Variants in ZNRF3 observed in about 807,000 individuals in gnomAD.
ZNRF3 encodes the protein zinc and ring finger 3.
In ZNRF3, 23 loss-of-function variants were observed where a neutral mutation model predicts 72.5. The ratio of observed to expected loss-of-function variants is 0.32; its 90% CI spans 0.23 to 0.45. The LOEUF is 0.45. Among genes scored for constraint, ZNRF3 ranks in the 20% least tolerant of loss-of-function variants. The pLI is 1.00. For missense variants in ZNRF3, 1,169 were observed against 1,272.1 expected, an observed-to-expected ratio of 0.92 and a Z score of 1.23; for synonymous variants, 610 against 545.3, an observed-to-expected ratio of 1.12 and a Z score of -1.65.
chr22:28,985,216 CCTAAGGACCTG>C (rs1378780573), intron 1 of ZNRF3, among the ~76,000 whole-genome samples: 1 of 152,164 alleles, frequency 6.6e-6, no homozygotes, highest in African/African-American at 2.4e-5. Context: ...CAATCTTCTG[CCTAAGGACCTG>C]TAATGCTGTC....
rs557767800 is a variant in ZNRF3 at position 28,914,070 on chromosome 22, T to A, written c.300+30004T>A. ...AACTCCTTCTGGTACTTTCCAGATG[T>A]ATTTGATCCCAGAACTCCTTTTTCT... On this transcript the variant is annotated intron_variant, in intron 1 of 8. Coordinates refer to ENST00000544604, the MANE Select transcript of ZNRF3 (RefSeq NM_001206998.2). Among the ~76,000 whole-genome samples the A allele has an allele frequency of 3.3e-5, 5 of 152,324 alleles. No individual in the cohort carries two copies. The East Asian group carries it at 9.6e-4, about 29-fold the overall frequency.
At chr22:28,987,873 A>G (rs914207526) in intron 2 of ZNRF3, among the ~76,000 whole-genome samples, 6 of 151,968 alleles carry the variant, frequency 3.9e-5, no homozygotes, top group Non-Finnish European at 2.9e-5. Context: ...AACTTACCTC[A>G]TAGGTGGTTA....
chr22:29,008,107 C>T (rs2036290799), intron 2 of ZNRF3, among the ~76,000 whole-genome samples: 1 of 152,088 alleles, frequency 6.6e-6, no homozygotes, highest in East Asian at 1.9e-4. Flanking sequence ...TTGTACCTCT[C>T]TCATTTGTAT....
At chr22:28,918,537 C>CATGTGTGT (rs1451651910) in intron 1 of ZNRF3, among the ~76,000 whole-genome samples, 3 of 148,744 alleles carry the variant, frequency 2.0e-5, no homozygotes, top group South Asian at 2.1e-4. Flanking sequence ...TGCATGTGTG[C>CATGTGTGT]GTGTGTGTGT....
intron 1 of ZNRF3, among the ~76,000 whole-genome samples, chr22:28,976,832 G>T (rs2123818328): frequency 6.6e-6 from 1 of 152,186 alleles, no homozygotes; most frequent in East Asian, 1.9e-4. Flanking sequence ...GGTTTCTATA[G>T]TCTACTGGAT....
At chr22:28,895,536 G>A (rs182567907) in intron 1 of ZNRF3, among the ~76,000 whole-genome samples, 2,268 of 152,144 alleles carry the variant, frequency 0.015, 66 homozygotes, top group African/African-American at 0.051. Flanking sequence ...GCGCAGTGGC[G>A]GGTGCCTGTA....
intron 1 of ZNRF3, among the ~76,000 whole-genome samples, chr22:28,915,569 C>T (rs1371713182): frequency 6.6e-6 from 1 of 152,202 alleles, no homozygotes; most frequent in Non-Finnish European, 1.5e-5. Flanking sequence ...TGAGAACCCC[C>T]AGTTCTTTCC....
At chr22:29,017,896 G>T (rs753479837) in intron 2 of ZNRF3, 188 of 461,772 alleles carry the variant, frequency 4.1e-4, no homozygotes, top group Non-Finnish European at 7.3e-4. Context: ...GAGAAAGGAG[G>T]CTTTTAGATG....
chr22:28,961,166 T>C (rs2123803244), intron 1 of ZNRF3, among the ~76,000 whole-genome samples: 1 of 152,286 alleles, frequency 6.6e-6, no homozygotes, highest in African/African-American at 2.4e-5. Context: ...AAGGGTCAAC[T>C]CTTCTTCAAG....
chr22:29,010,048 A>G (rs1440988306), intron 2 of ZNRF3, among the ~76,000 whole-genome samples: 3 of 151,750 alleles, frequency 2.0e-5, no homozygotes, highest in Non-Finnish European at 4.4e-5. Flanking sequence ...CTGGGACTAC[A>G]GGCATCTGCC....
intron 1 of ZNRF3, among the ~76,000 whole-genome samples, chr22:28,965,989 A>G (rs1182462163): frequency 6.6e-6 from 1 of 152,214 alleles, no homozygotes; most frequent in Admixed American, 6.5e-5. Flanking sequence ...CAACCCCTTG[A>G]TTTCTTGAAA....
chr22:28,940,546 C>T (rs531653098), intron 1 of ZNRF3, among the ~76,000 whole-genome samples: 4 of 147,696 alleles, frequency 2.7e-5, no homozygotes, highest in African/African-American at 1.0e-4. Context: ...CTTAAGAGAG[C>T]CAACGATTTA....
At chr22:28,975,237 C>T (rs1246244648) in intron 1 of ZNRF3, among the ~76,000 whole-genome samples, 1 of 152,072 alleles carries the variant, frequency 6.6e-6, no homozygotes, top group Admixed American at 6.6e-5. Context: ...GGCGCAGTGG[C>T]TCACGCCTGT....
intron 1 of ZNRF3, among the ~76,000 whole-genome samples, chr22:28,894,123 ATTT>A (rs771660791): frequency 7.0e-6 from 1 of 142,350 alleles, no homozygotes. Context: ...TGCCTGGCTA[ATTT>A]TTTTTTTTTT....
chr22:28,955,876 A>G lies in ZNRF3; in HGVS notation c.301-31200A>G, dbSNP rs574446191. ...CCGGGCTGCAGTGAGCCAGGTTCAC[A>G]TCACTGTACTCTGGCCTAGATGACA... On this transcript the variant is annotated intron_variant, in intron 1 of 8. Transcript: ENST00000544604. Among the ~76,000 whole-genome samples, 32 of 152,258 alleles carry G rather than the reference A, an allele frequency of 2.1e-4. 1 individual carries two copies. In the South Asian group the frequency reaches 6.2e-3, roughly 30 times the overall value.
chr22:29,026,305 C>A (rs1376750040), intron 2 of ZNRF3: 1 of 152,136 alleles, frequency 6.6e-6, no homozygotes, highest in African/African-American at 2.4e-5. Flanking sequence ...CTTCTCCACA[C>A]CCCCAGACCC....
intron 1 of ZNRF3, among the ~76,000 whole-genome samples, chr22:28,965,990 T>C (rs1377488214): frequency 2.0e-5 from 3 of 152,230 alleles, no homozygotes; most frequent in Non-Finnish European, 2.9e-5. Flanking sequence ...AACCCCTTGA[T>C]TTCTTGAAAC....
At chr22:28,938,997 A>G (rs2034891927) in intron 1 of ZNRF3, among the ~76,000 whole-genome samples, 1 of 152,178 alleles carries the variant, frequency 6.6e-6, no homozygotes, top group Non-Finnish European at 1.5e-5. Context: ...TTAATATCTC[A>G]AAATAGGCCA....
intron 1 of ZNRF3, among the ~76,000 whole-genome samples, chr22:28,947,900 A>G (rs2035082233): frequency 6.6e-6 from 1 of 152,190 alleles, no homozygotes; most frequent in Non-Finnish European, 1.5e-5. Context: ...GTTGGAGTGC[A>G]GTGGCGTGAT....
Sources: gnomAD v4.1 joint callset for allele counts (sites outside exome capture counted in the v4.1 genomes callset) on GRCh38, gnomAD v4.1.1 for gene constraint, MANE v1.5 for transcripts, NCBI Gene and HGNC (gene_info 2026-07-23, HGNC 2026-07-21) for gene names.